The following ACAN variants were observed in gnomAD, a reference collection of about 807,000 sequenced individuals.
The protein encoded by ACAN is aggrecan core protein.
Under a neutral mutation model 169.1 loss-of-function variants are expected in ACAN, and 47 were observed. The observed-to-expected ratio is 0.28, with a 90% CI of 0.22 to 0.35. The LOEUF (loss-of-function observed/expected upper bound fraction) is 0.35, where lower values mean the gene tolerates loss of function less well. ACAN is among the 10% of genes least tolerant of loss of function. The probability of loss-of-function intolerance (pLI) is 1.00; values close to 1 mark genes in which losing one functional copy is unlikely to be tolerated. For missense variants in ACAN, 2,716 were observed against 2,759.9 expected, an observed-to-expected ratio of 0.98 and a Z score of 0.36; for synonymous variants, 1,115 against 1,112.2, an observed-to-expected ratio of 1.00 and a Z score of -0.05.
chr15:88,849,379 G>A lies in ACAN; in HGVS notation c.1733-59G>A. On this transcript the variant is annotated intron_variant, in intron 9 of 18. Transcript: ENST00000560601. The surrounding 1 kb of genome is among the most constrained non-coding windows in gnomAD (Gnocchi z 5.1). ...AGAGGAACTCTGTCCTGGGTGGGCAGGGATGGACCTGGCCTGAGTGTGGGG... is the reference window on the plus strand; with the variant it reads ...AGAGGAACTCTGTCCTGGGTGGGCAAGGATGGACCTGGCCTGAGTGTGGGG... 1 of 1,463,310 alleles carries A rather than the reference G, an allele frequency of 6.8e-7. No individual in the cohort carries two copies. The highest frequency in any genetic ancestry group is 9.1e-7 in the Non-Finnish European group (1 of 1,099,454). The allele number at this position is 1,463,310 out of a possible 1,614,324, so 90.6% of individuals were successfully genotyped here. A position where few individuals can be genotyped will look rare whatever the true frequency, so the allele number is the denominator to read the frequency against.
rs1208226889 is a variant in ACAN at position 88,847,968 on chromosome 15, G to T, written c.1662G>T (p.Gly554=). The T allele has an allele frequency of 1.2e-6, 2 of 1,613,996 alleles. No individual in the cohort carries two copies. Among genetic ancestry groups the T allele is most frequent in the Non-Finnish European group, 8.5e-7 (1 of 1,179,884 alleles). The change falls in exon 9 of 19, where the codon GGG becomes GGT. Residue 554 remains glycine (G), a synonymous_variant. Coordinates refer to ENST00000560601, the MANE Select transcript of ACAN (RefSeq NM_001369268.1). ...PCVGDKDSSP[G]VRTYGVRPST... is the part of the protein sequence containing the mutation. Reference sequence around the variant, plus strand: ...TGGGTGACAAGGACAGCAGCCCAGGGGTCAGGACCTATGGCGTGCGCCCAT... The same window carrying T: ...TGGGTGACAAGGACAGCAGCCCAGGTGTCAGGACCTATGGCGTGCGCCCAT...
intron 1 of ACAN, among the ~76,000 whole-genome samples, chr15:88,835,266 A>G (rs574522022): frequency 1.3e-5 from 2 of 152,156 alleles, no homozygotes; most frequent in African/African-American, 4.8e-5. Flanking sequence ...AGTTGGTGGC[A>G]GGCCCAAGTT....
intron 1 of ACAN, among the ~76,000 whole-genome samples, chr15:88,833,739 C>CTCT (rs1453740636): frequency 1.3e-5 from 2 of 151,402 alleles, no homozygotes; most frequent in Non-Finnish European, 2.9e-5. Flanking sequence ...CCCCACTCTC[C>CTCT]TCCCCACCTC....
chr15:88,845,614 C>T lies in ACAN; in HGVS notation c.1161C>T (p.Asn387=). Residue 387 remains asparagine (N), a synonymous_variant, in exon 7 of 19, where the codon AAC becomes AAT. Coordinates refer to ENST00000560601, the MANE Select transcript of ACAN (RefSeq NM_001369268.1). ...WPDMELPLPR[N]ITEGEARGSV... ...ACATGGAGCTGCCACTGCCTCGAAACATCACTGAGGGTGAAGCCCGAGGCA... is the reference window on the plus strand; with the variant it reads ...ACATGGAGCTGCCACTGCCTCGAAATATCACTGAGGGTGAAGCCCGAGGCA... The T allele has an allele frequency of 6.2e-7, 1 of 1,614,080 alleles. No homozygotes were observed. Among genetic ancestry groups the T allele is most frequent in the Non-Finnish European group, 8.5e-7 (1 of 1,179,902 alleles).
intron 13 of ACAN, among the ~76,000 whole-genome samples, chr15:88,867,564 C>T (rs1222425755): frequency 2.6e-5 from 4 of 152,142 alleles, no homozygotes; most frequent in Admixed American, 2.6e-4. Flanking sequence ...AAGATTCAGG[C>T]TTCATTTTTA....
chr15:88,815,188 G>A (rs528872204), intron 1 of ACAN, among the ~76,000 whole-genome samples: 2 of 152,232 alleles, frequency 1.3e-5, no homozygotes, highest in South Asian at 2.1e-4. Flanking sequence ...TGTATCAGTG[G>A]GAATGGAAGG....
intron 13 of ACAN, among the ~76,000 whole-genome samples, chr15:88,865,541 A>G (rs1897265595): frequency 6.6e-6 from 1 of 152,220 alleles, no homozygotes; most frequent in Admixed American, 6.5e-5. Flanking sequence ...TTGGAAGGAT[A>G]ATGAAGGAGA....
At chr15:88,816,091 C>A (rs1414466691) in intron 1 of ACAN, among the ~76,000 whole-genome samples, 1 of 152,178 alleles carries the variant, frequency 6.6e-6, no homozygotes, top group Non-Finnish European at 1.5e-5. Flanking sequence ...CCCTGTGTGT[C>A]TGTATTTCCA....
chr15:88,874,924 G>A lies in ACAN; in HGVS notation c.*443G>A, dbSNP rs1248117367. 2 of 332,338 alleles carry A rather than the reference G, an allele frequency of 6.0e-6. No homozygotes were observed. The highest frequency in any genetic ancestry group is 4.3e-5 in the African/African-American group (2 of 46,410). 20.6% of individuals were successfully genotyped at this position (332,338 alleles called of 1,614,324 possible). A position where few individuals can be genotyped will look rare whatever the true frequency, so the allele number is the denominator to read the frequency against. ...AGGAGGGCTCCAAAGGAGCTGGAAG[G>A]AGCAGAGGCCTGAGAGCAGGAAGAA... is the stretch of plus-strand genomic sequence containing the variant. On this transcript the variant is annotated 3_prime_UTR_variant, in exon 19 of 19. Coordinates refer to ENST00000560601, the MANE Select transcript of ACAN (RefSeq NM_001369268.1). The surrounding 1 kb of genome is among the most constrained non-coding windows in gnomAD (Gnocchi z 7.3).
At chr15:88,845,161 T>C (rs1896760857) in intron 6 of ACAN, among the ~76,000 whole-genome samples, 1 of 152,216 alleles carries the variant, frequency 6.6e-6, no homozygotes, top group African/African-American at 2.4e-5. Flanking sequence ...CAGCATCAGA[T>C]GGTTGGTAAG....
At chr15:88,817,489 A>G (rs1185913681) in intron 1 of ACAN, among the ~76,000 whole-genome samples, 1 of 152,014 alleles carries the variant, frequency 6.6e-6, no homozygotes, top group Non-Finnish European at 1.5e-5. Context: ...TTATTTTTAG[A>G]GACAGATTTC....
chr15:88,807,822 C>A lies in ACAN; in HGVS notation c.-8+4013C>A, dbSNP rs527866171. On this transcript the variant is annotated intron_variant, in intron 1 of 18. Transcript: ENST00000560601. This position sits in a 1 kb window ranked among gnomAD's most constrained non-coding sequence, Gnocchi z 4.0. ...GGGCGGGCCCTGCGGGCTGGCCAGG[C>A]CTGTGAGAGGTGACTTCTCTCCCTC... is the stretch of plus-strand genomic sequence containing the variant. Among the ~76,000 whole-genome samples the A allele has an allele frequency of 1.7e-4, 26 of 149,512 alleles. No individual in the cohort carries two copies. Among genetic ancestry groups the A allele is most frequent in the African/African-American group, 6.4e-4 (26 of 40,534 alleles).
At chr15:88,832,630 G>A (rs982980427) in intron 1 of ACAN, among the ~76,000 whole-genome samples, 5 of 152,092 alleles carry the variant, frequency 3.3e-5, no homozygotes, top group African/African-American at 7.2e-5. Context: ...ATGAGGATTC[G>A]GATTGTAGAT....
At chr15:88,867,168 A>T (rs958549697) in intron 13 of ACAN, among the ~76,000 whole-genome samples, 11 of 152,264 alleles carry the variant, frequency 7.2e-5, no homozygotes, top group African/African-American at 2.2e-4. Flanking sequence ...TCTCAGCAAG[A>T]TGCAGAAAGA....
chr15:88,822,106 A>G (rs1461803624), intron 1 of ACAN, among the ~76,000 whole-genome samples: 1 of 152,240 alleles, frequency 6.6e-6, no homozygotes, highest in Non-Finnish European at 1.5e-5. Context: ...GTGGTCATAT[A>G]GACATGGCTG....
At chr15:88,835,402 CACAT>C (rs1567173217) in intron 1 of ACAN, among the ~76,000 whole-genome samples, 1 of 152,030 alleles carries the variant, frequency 6.6e-6, no homozygotes, top group Admixed American at 6.6e-5. Flanking sequence ...CACAGACACA[CACAT>C]ACACACACAC....
At chr15:88,822,176 C>T (rs1434658804) in intron 1 of ACAN, among the ~76,000 whole-genome samples, 2 of 152,238 alleles carry the variant, frequency 1.3e-5, no homozygotes, top group African/African-American at 2.4e-5. Context: ...AGGTCCCCAC[C>T]GTACATCACA....
intron 5 of ACAN, 138 bp downstream of exon 5, chr15:88,842,005 A>G: frequency 8.2e-7 from 1 of 1,225,654 alleles, no homozygotes; most frequent in Non-Finnish European, 1.1e-6. Flanking sequence ...TCTGCCATGA[A>G]GGGAGGTGGG....
intron 1 of ACAN, among the ~76,000 whole-genome samples, chr15:88,805,522 A>G (rs1234008193): frequency 6.6e-6 from 1 of 152,204 alleles, no homozygotes; most frequent in South Asian, 2.1e-4. Flanking sequence ...TCTTACGTGT[A>G]GTTTCTAGTG....
Sources: gnomAD v4.1 joint callset for allele counts (sites outside exome capture counted in the v4.1 genomes callset) on GRCh38, gnomAD v4.1.1 for gene constraint, Gnocchi (gnomAD v3.1) non-coding constraint, MANE v1.5 for transcripts, NCBI Gene and HGNC (gene_info 2026-07-23, HGNC 2026-07-21) for gene names.